The following DCC variants were observed in gnomAD, a reference collection of about 807,000 sequenced individuals.
The protein encoded by DCC is netrin receptor DCC.
A neutral mutation model predicts 172.5 loss-of-function variants in DCC; 58 were observed. The ratio of observed to expected loss-of-function variants is 0.34; its 90% CI spans 0.27 to 0.42. The LOEUF is 0.42. Among genes scored for constraint, DCC ranks in the 10% least tolerant of loss-of-function variants. The pLI is 1.00. For synonymous variants in DCC, 709 were observed against 644.5 expected, an observed-to-expected ratio of 1.10 and a Z score of -1.52; for missense variants, 1,740 against 1,791.0, an observed-to-expected ratio of 0.97 and a Z score of 0.51.
intron 25 of DCC, among the ~76,000 whole-genome samples, chr18:53,471,726 T>C (rs757149842): frequency 6.6e-6 from 1 of 152,210 alleles, no homozygotes; most frequent in African/African-American, 2.4e-5. Context: ...TTTTTGTAGA[T>C]ATTTACATGT....
At chr18:52,925,625 A>C (rs1242620870) in intron 5 of DCC, among the ~76,000 whole-genome samples, 1 of 152,012 alleles carries the variant, frequency 6.6e-6, no homozygotes, top group Non-Finnish European at 1.5e-5. Context: ...GAAAAGTACC[A>C]AAAATTATTA....
chr18:52,534,766 A>C, intron 1 of DCC, among the ~76,000 whole-genome samples: 2 of 152,206 alleles, frequency 1.3e-5, no homozygotes, highest in Middle Eastern at 6.8e-3. Context: ...GGGATCTTTA[A>C]TTTTTTTACA....
chr18:53,250,232 T>C (rs2056413456), intron 12 of DCC, among the ~76,000 whole-genome samples: 1 of 151,968 alleles, frequency 6.6e-6, no homozygotes, highest in South Asian at 2.1e-4. Context: ...AGGTGAAATA[T>C]TCACTATATA....
chr18:53,445,210 T>G (rs1467953336), intron 22 of DCC, among the ~76,000 whole-genome samples: 1 of 152,196 alleles, frequency 6.6e-6, no homozygotes, highest in Non-Finnish European at 1.5e-5. Flanking sequence ...GGAAATACTT[T>G]GAAACGATCA....
chr18:52,781,676 C>A (rs1032347950), intron 2 of DCC, among the ~76,000 whole-genome samples: 1 of 152,010 alleles, frequency 6.6e-6, no homozygotes, highest in African/African-American at 2.4e-5. Context: ...ATGGGAAATT[C>A]ATTTTATTTA....
At chr18:53,277,528 T>C (rs950450032) in intron 12 of DCC, among the ~76,000 whole-genome samples, 1 of 152,194 alleles carries the variant, frequency 6.6e-6, no homozygotes, top group African/African-American at 2.4e-5. Flanking sequence ...GAATGGTTTG[T>C]CTCATTCAAT....
intron 1 of DCC, among the ~76,000 whole-genome samples, chr18:52,526,560 T>C (rs1336286508): frequency 6.6e-6 from 1 of 152,080 alleles, no homozygotes; most frequent in African/African-American, 2.4e-5. Context: ...CTATCTCATG[T>C]CATCATGGGT....
chr18:53,329,526 T>G (rs2057507227), intron 14 of DCC, among the ~76,000 whole-genome samples: 1 of 151,948 alleles, frequency 6.6e-6, no homozygotes, highest in South Asian at 2.1e-4. Context: ...AAATATAATA[T>G]CTAGGACTAA....
intron 2 of DCC, among the ~76,000 whole-genome samples, chr18:52,779,472 A>AG (rs397718074): frequency 6.6e-6 from 1 of 150,992 alleles, no homozygotes; most frequent in Non-Finnish European, 1.5e-5. Context: ...CGTCCCTGCA[A>AG]GGACATGAAC....
chr18:52,489,069 T>C (rs929447608), intron 1 of DCC, among the ~76,000 whole-genome samples: 1 of 152,096 alleles, frequency 6.6e-6, no homozygotes, highest in African/African-American at 2.4e-5. Flanking sequence ...TGTCAACCCT[T>C]TATTAAAATG....
At chr18:53,401,945 C>CTT (rs1909323470) in intron 18 of DCC, among the ~76,000 whole-genome samples, 1 of 152,182 alleles carries the variant, frequency 6.6e-6, no homozygotes, top group Admixed American at 6.5e-5. Context: ...TTCGTGCCAT[C>CTT]TTACTTCATG....
intron 1 of DCC, among the ~76,000 whole-genome samples, chr18:52,573,482 C>T (rs959817600): frequency 1.4e-4 from 21 of 152,134 alleles, no homozygotes; most frequent in Admixed American, 6.6e-4. Flanking sequence ...GTTCTCACAA[C>T]GAAATTAAAA....
intron 2 of DCC, among the ~76,000 whole-genome samples, chr18:52,847,206 C>G (rs760901468): frequency 2.0e-4 from 30 of 152,264 alleles, no homozygotes; most frequent in Middle Eastern, 3.4e-3. Context: ...CCATTTTCTT[C>G]TTGTATTAAT....
intron 1 of DCC, among the ~76,000 whole-genome samples, chr18:52,464,581 T>A (rs1413801874): frequency 6.6e-6 from 1 of 152,190 alleles, no homozygotes; most frequent in Non-Finnish European, 1.5e-5. Context: ...ACTTTACACA[T>A]TCAACAGGTG....
chr18:52,727,884 AT>A (rs1355980411), intron 1 of DCC, among the ~76,000 whole-genome samples: 1 of 152,200 alleles, frequency 6.6e-6, no homozygotes, highest in African/African-American at 2.4e-5. Context: ...AGAACAATGT[AT>A]TCATAATCCA....
intron 1 of DCC, among the ~76,000 whole-genome samples, chr18:52,620,602 T>G (rs1472813572): frequency 1.3e-5 from 2 of 151,814 alleles, no homozygotes; most frequent in Non-Finnish European, 1.5e-5. Context: ...TACTCTAAGT[T>G]TAATTGTAGC....
At chr18:53,183,290 G>A (rs1018696482) in intron 9 of DCC, among the ~76,000 whole-genome samples, 5 of 152,074 alleles carry the variant, frequency 3.3e-5, no homozygotes, top group African/African-American at 4.8e-5. Context: ...ATAATTGCTC[G>A]AAATAGAAAG....
chr18:52,563,779 A>ACTT (rs1250605298), intron 1 of DCC, among the ~76,000 whole-genome samples: 4 of 152,078 alleles, frequency 2.6e-5, no homozygotes, highest in Non-Finnish European at 5.9e-5. Flanking sequence ...TTGTATTAGC[A>ACTT]CTTCCTGTTT....
chr18:52,827,314 C>T (rs574274622), intron 2 of DCC, among the ~76,000 whole-genome samples: 13 of 152,204 alleles, frequency 8.5e-5, no homozygotes, highest in African/African-American at 2.7e-4. Context: ...TTAATAGCTA[C>T]ATCCTGAGCT....
Sources: gnomAD v4.1 joint callset for allele counts (sites outside exome capture counted in the v4.1 genomes callset) on GRCh38, gnomAD v4.1.1 for gene constraint, MANE v1.5 for transcripts, NCBI Gene and HGNC (gene_info 2026-07-23, HGNC 2026-07-21) for gene names.